Variants in FHIT observed in about 807,000 individuals in gnomAD.
FHIT encodes the protein bis(5'-adenosyl)-triphosphatase.
In FHIT, 19 loss-of-function variants were observed where a neutral mutation model predicts 17.9. The ratio of observed to expected loss-of-function variants is 1.06; its 90% confidence interval spans 0.74 to 1.56. FHIT has a LOEUF of 1.56. Among genes scored for constraint, FHIT ranks in the 40% most tolerant of loss-of-function variants. The probability of loss-of-function intolerance (pLI) is 0.00; values close to 1 mark genes in which losing one functional copy is unlikely to be tolerated. For synonymous variants in FHIT, 81 were observed against 69.7 expected (o/e 1.16, Z -0.81); for missense variants, 248 against 189.2 (o/e 1.31, Z -1.82).
chr3:60,623,294 A>C (rs2039186290), intron 4 of FHIT, among the ~76,000 whole-genome samples: 1 of 152,216 alleles, frequency 6.6e-6, no homozygotes, highest in African/African-American at 2.4e-5. Context: ...TCAAGAAAGA[A>C]CTGTGCTACA....
chr3:60,351,680 T>C (rs1328931975), intron 5 of FHIT, among the ~76,000 whole-genome samples: 1 of 152,226 alleles, frequency 6.6e-6, no homozygotes, highest in Non-Finnish European at 1.5e-5. Flanking sequence ...AACATTCCTA[T>C]AGAATCCTCC....
chr3:60,976,771 T>C (rs1710275065), intron 3 of FHIT, among the ~76,000 whole-genome samples: 1 of 152,246 alleles, frequency 6.6e-6, no homozygotes, highest in South Asian at 2.1e-4. Flanking sequence ...AGTTTGAATC[T>C]CATTTCTTCC....
intron 7 of FHIT, among the ~76,000 whole-genome samples, chr3:59,986,415 T>C (rs1398847631): frequency 6.7e-6 from 1 of 148,578 alleles, no homozygotes; most frequent in Non-Finnish European, 1.5e-5. Flanking sequence ...CAAACAGTTA[T>C]TCCCTTTGCT....
intron 5 of FHIT, among the ~76,000 whole-genome samples, chr3:60,176,569 A>G (rs1701682300): frequency 6.6e-6 from 1 of 152,212 alleles, no homozygotes; most frequent in South Asian, 2.1e-4. Flanking sequence ...GGCAACTGCC[A>G]TATGGAAACG....
At chr3:60,548,130 C>T (rs1319079204) in intron 4 of FHIT, among the ~76,000 whole-genome samples, 7 of 16,352 alleles carry the variant, frequency 4.3e-4, no homozygotes, top group African/African-American at 2.5e-3. Context: ...AAAAGGAGCA[C>T]GAGAGAGAGA....
At chr3:60,567,899 C>T (rs1295496983) in intron 4 of FHIT, among the ~76,000 whole-genome samples, 5 of 152,114 alleles carry the variant, frequency 3.3e-5, no homozygotes, top group Admixed American at 6.6e-5. Flanking sequence ...AAAACAAATC[C>T]GCAATGAGAT....
At chr3:60,598,007 G>A (rs1305425238) in intron 4 of FHIT, among the ~76,000 whole-genome samples, 1 of 152,096 alleles carries the variant, frequency 6.6e-6, no homozygotes, top group Non-Finnish European at 1.5e-5. Flanking sequence ...ATCATACATT[G>A]AGGAATTGGC....
chr3:60,278,435 AG>A (rs1481275710), intron 5 of FHIT, among the ~76,000 whole-genome samples: 1 of 152,198 alleles, frequency 6.6e-6, no homozygotes, highest in African/African-American at 2.4e-5. Flanking sequence ...AGAACATTTC[AG>A]AAGATCGCAG....
chr3:60,210,850 G>C (rs952396364), intron 5 of FHIT, among the ~76,000 whole-genome samples: 44 of 151,996 alleles, frequency 2.9e-4, no homozygotes, highest in African/African-American at 1.0e-3. Flanking sequence ...TCAATACCTA[G>C]CAAAATTACA....
intron 4 of FHIT, among the ~76,000 whole-genome samples, chr3:60,712,693 A>T (rs1416572878): frequency 3.3e-5 from 5 of 151,366 alleles, no homozygotes; most frequent in African/African-American, 1.2e-4. Context: ...CCATTACATA[A>T]TGGTAAAGGG....
At chr3:60,526,793 C>G (rs1340901121) in intron 5 of FHIT, among the ~76,000 whole-genome samples, 1 of 152,168 alleles carries the variant, frequency 6.6e-6, no homozygotes, top group Admixed American at 6.5e-5. Context: ...CCTGCAGGTC[C>G]TACAGCTTCG....
At chr3:60,130,984 C>CATATATACACATATATACATATGTGTAT (rs1699548252) in intron 5 of FHIT, among the ~76,000 whole-genome samples, 4 of 90,108 alleles carry the variant, frequency 4.4e-5, no homozygotes, top group Non-Finnish European at 1.0e-4. Flanking sequence ...TATATATACA[C>CATATATACACATATATACATATGTGTAT]ATATATACAC....
chr3:60,442,963 T>C (rs1263364791), intron 5 of FHIT, among the ~76,000 whole-genome samples: 2 of 152,196 alleles, frequency 1.3e-5, no homozygotes, highest in African/African-American at 2.4e-5. Context: ...CAGTGGTGTG[T>C]AGTTCTCCTT....
intron 5 of FHIT, among the ~76,000 whole-genome samples, chr3:60,058,640 CT>C (rs1238952007): frequency 6.6e-6 from 1 of 152,132 alleles, no homozygotes; most frequent in Admixed American, 6.5e-5. Flanking sequence ...TTCCAAAGCT[CT>C]TTCTTAGAAT....
intron 5 of FHIT, among the ~76,000 whole-genome samples, chr3:60,020,869 C>T (rs569001858): frequency 5.3e-5 from 8 of 152,256 alleles, no homozygotes; most frequent in East Asian, 3.9e-4. Context: ...CTATTCACAA[C>T]GTAAGCACTT....
intron 3 of FHIT, among the ~76,000 whole-genome samples, chr3:61,009,326 T>C (rs1206010859): frequency 2.0e-5 from 3 of 152,198 alleles, no homozygotes; most frequent in Non-Finnish European, 4.4e-5. Context: ...TAATTCGTCC[T>C]TAGTTCCTGT....
At chr3:60,580,358 G>A (rs1438921009) in intron 4 of FHIT, among the ~76,000 whole-genome samples, 3 of 152,086 alleles carry the variant, frequency 2.0e-5, no homozygotes, top group Non-Finnish European at 4.4e-5. Context: ...GGAGTTCAGT[G>A]AAATTAATGA....
At chr3:60,086,517 T>C (rs1703499821) in intron 5 of FHIT, among the ~76,000 whole-genome samples, 1 of 152,192 alleles carries the variant, frequency 6.6e-6, no homozygotes, top group Admixed American at 6.5e-5. Flanking sequence ...TCTTTCCAGC[T>C]ATGAGCCTAT....
chr3:60,231,037 G>A (rs1422845083), intron 5 of FHIT, among the ~76,000 whole-genome samples: 2 of 152,190 alleles, frequency 1.3e-5, no homozygotes, highest in Non-Finnish European at 2.9e-5. Flanking sequence ...TCTAATGTGA[G>A]CAGACATGGT....
Sources: gnomAD v4.1 joint callset for allele counts (sites outside exome capture counted in the v4.1 genomes callset) on GRCh38, gnomAD v4.1.1 for gene constraint, MANE v1.5 for transcripts, NCBI Gene and HGNC (gene_info 2026-07-23, HGNC 2026-07-21) for gene names.